SYNE3: variants seen among roughly 807,000 people sequenced by gnomAD.
The protein encoded by SYNE3 is nesprin-3.
In SYNE3, 100 loss-of-function variants were observed where a neutral mutation model predicts 111.2. That is an observed-to-expected ratio of 0.90 (90% CI 0.77 to 1.06). The LOEUF (loss-of-function observed/expected upper bound fraction) is 1.06, where lower values mean the gene tolerates loss of function less well. Among genes scored for constraint, SYNE3 ranks in the 50% least tolerant of loss-of-function variants. The pLI is 0.00. For missense variants in SYNE3, 1,160 were observed against 1,240.3 expected (o/e 0.94, Z 0.97); for synonymous variants, 547 against 533.9 (o/e 1.02, Z -0.34).
chr14:95,436,759 G>A (rs1886106409), intron 15 of SYNE3, 61 bp downstream of exon 15: 1 of 1,577,264 alleles, frequency 6.3e-7, no homozygotes, highest in African/African-American at 1.4e-5. Context: ...GAACTCCCTG[G>A]TGGCAAATGC....
chr14:95,506,375 A>G (rs1429225069), intron 1 of SYNE3, among the ~76,000 whole-genome samples: 1 of 152,238 alleles, frequency 6.6e-6, no homozygotes, highest in Non-Finnish European at 1.5e-5. Context: ...CAGGCAATGA[A>G]TGGTCAAGGT....
chr14:95,501,415 G>A (rs1890329889), intron 1 of SYNE3, among the ~76,000 whole-genome samples: 1 of 152,216 alleles, frequency 6.6e-6, no homozygotes, highest in African/African-American at 2.4e-5. Flanking sequence ...GGAATGAACG[G>A]ATCTTTGCTC....
At position 95,428,713 on chromosome 14, in the gene SYNE3, A is replaced by G. The variant is rs140927013; in HGVS notation, c.2727+3366T>C. Among the ~76,000 whole-genome samples the G allele has an allele frequency of 1.8e-4, 28 of 152,334 alleles. 1 individual carries two copies. In the East Asian group the frequency reaches 5.4e-3, roughly 29 times the overall value. On this transcript the variant is annotated intron_variant, in intron 17 of 17. Transcript: ENST00000682763. ...ACTCACAGCACAACTGCAACTCAAA[A>G]AGCAATGCCATTTCACGTGTCTCAA...
chr14:95,450,397 G>A (rs919192238), intron 7 of SYNE3: 1 of 386,198 alleles, frequency 2.6e-6, no homozygotes, highest in Non-Finnish European at 4.7e-6. Flanking sequence ...TTCATGGGCA[G>A]GATACGGTGG....
chr14:95,507,200 C>T (rs1890560230), intron 1 of SYNE3, among the ~76,000 whole-genome samples: 1 of 152,214 alleles, frequency 6.6e-6, no homozygotes, highest in Admixed American at 6.5e-5. Context: ...GTCACAGTCC[C>T]CTAGGATGGG....
At chr14:95,442,832 C>T (rs551139255) in intron 11 of SYNE3, among the ~76,000 whole-genome samples, 1 of 152,272 alleles carries the variant, frequency 6.6e-6, no homozygotes, top group South Asian at 2.1e-4. Context: ...GCCCTAATCT[C>T]AATATGTAAT....
At chr14:95,493,685 C>T (rs980429248) in intron 1 of SYNE3, among the ~76,000 whole-genome samples, 1 of 152,220 alleles carries the variant, frequency 6.6e-6, no homozygotes, top group African/African-American at 2.4e-5. Context: ...CCACCAGTGG[C>T]TGCATCGCTG....
At chr14:95,449,169 A>G (rs534888972) in intron 8 of SYNE3, among the ~76,000 whole-genome samples, 3 of 152,266 alleles carry the variant, frequency 2.0e-5, no homozygotes, top group Admixed American at 2.0e-4. Context: ...TCCCACAGCC[A>G]TACCTCCTTC....
At chr14:95,495,645 G>A (rs748447825) in intron 1 of SYNE3, among the ~76,000 whole-genome samples, 10 of 152,108 alleles carry the variant, frequency 6.6e-5, no homozygotes, top group Non-Finnish European at 1.3e-4. Flanking sequence ...CAGTGACTGA[G>A]GCACCAAGTC....
intron 1 of SYNE3, among the ~76,000 whole-genome samples, chr14:95,503,487 A>T (rs1201301943): frequency 6.6e-6 from 1 of 152,164 alleles, no homozygotes; most frequent in Admixed American, 6.5e-5. Context: ...CACAGCCAGT[A>T]TATGACAAGT....
At chr14:95,457,144 G>A in intron 5 of SYNE3, 33 bp downstream of exon 5, 1 of 1,600,762 alleles carries the variant, frequency 6.2e-7, no homozygotes, top group Non-Finnish European at 8.5e-7. Flanking sequence ...CTGTCCCTAG[G>A]GTCCCTCTGG....
chr14:95,439,642 G>T lies in SYNE3; in HGVS notation c.2216C>A (p.Ala739Asp). The T allele has an allele frequency of 6.2e-7, 1 of 1,612,646 alleles. No individual in the cohort carries two copies. The highest frequency in any genetic ancestry group is 8.5e-7 in the Non-Finnish European group (1 of 1,180,006). ...ELRELAESWR[A>D]LRLLEESLLS... ...CAGACTTTCTTCCAGCAGCCTCAAG[G>T]CCCGCCACGACTCTGCCAGCTCCCT... Residue 739 changes from alanine to aspartate, a missense_variant, in exon 13 of 18, where the codon GCC becomes GAC. Transcript: ENST00000682763.
intron 8 of SYNE3, chr14:95,449,482 A>G: frequency 7.1e-6 from 7 of 985,444 alleles, no homozygotes; most frequent in Non-Finnish European, 8.4e-6. Context: ...TGGGGCCATG[A>G]GGCGAGACCT....
At chr14:95,463,803 T>C (rs1050190701) in intron 4 of SYNE3, among the ~76,000 whole-genome samples, 1 of 152,230 alleles carries the variant, frequency 6.6e-6, no homozygotes, top group Non-Finnish European at 1.5e-5. Flanking sequence ...GGGGTGGAGT[T>C]CTCATTATTT....
chr14:95,421,501 G>T (rs1417775180), intron 17 of SYNE3, among the ~76,000 whole-genome samples: 4 of 152,206 alleles, frequency 2.6e-5, no homozygotes, highest in Admixed American at 2.6e-4. Context: ...GTGATCTAGG[G>T]CATGTCACTT....
In SYNE3 at chr14:95,446,106, G is replaced by C. The variant is rs756515642; in HGVS notation, c.1450-15C>G. On this transcript the variant is annotated splice_polypyrimidine_tract_variant and intron_variant, in intron 8 of 17. Coordinates refer to ENST00000682763, the MANE Select transcript of SYNE3 (RefSeq NM_152592.6). ...ATCAGGGCTGCCTGTGGGAGACAAG[G>C]CTTCCGTGAACCACAGACCGGGCAG... is the stretch of plus-strand genomic sequence containing the variant. The C allele has an allele frequency of 7.4e-6, 12 of 1,613,432 alleles. No individual in the cohort carries two copies. Among genetic ancestry groups the C allele is most frequent in the African/African-American group, 4.0e-5 (3 of 75,028 alleles).
chr14:95,473,913 T>G (rs1053157312), intron 2 of SYNE3, among the ~76,000 whole-genome samples: 7 of 148,262 alleles, frequency 4.7e-5, no homozygotes, highest in African/African-American at 1.5e-4. Flanking sequence ...TGGTGTGAGT[T>G]TGTGAGGTGT....
intron 1 of SYNE3, among the ~76,000 whole-genome samples, chr14:95,497,127 G>A (rs1353507544): frequency 2.0e-5 from 3 of 152,232 alleles, no homozygotes; most frequent in Admixed American, 6.5e-5. Context: ...GCTCACTCCT[G>A]GTGAGTCACT....
In SYNE3 at chr14:95,461,101, A is replaced by C. The variant is rs191018516; in HGVS notation, c.628-3763T>G. On this transcript the variant is annotated intron_variant, in intron 4 of 17. Coordinates refer to ENST00000682763, the MANE Select transcript of SYNE3 (RefSeq NM_152592.6). Reference sequence around the variant, plus strand: ...GGGGTGACAAACGGGAAGGTGCTCAACCTTCTCGTTAGACCCAGCAATTAC... The same window carrying C: ...GGGGTGACAAACGGGAAGGTGCTCACCCTTCTCGTTAGACCCAGCAATTAC... Among the ~76,000 whole-genome samples, 74 of 152,336 alleles carry C rather than the reference A, an allele frequency of 4.9e-4. 2 individuals are homozygous for C. In the East Asian group the frequency reaches 0.011, roughly 23 times the overall value.
Sources: allele counts gnomAD v4.1 joint callset (sites outside exome capture counted in the v4.1 genomes callset), GRCh38; gene constraint gnomAD v4.1.1; transcripts MANE v1.5; gene names NCBI Gene and HGNC (gene_info 2026-07-23, HGNC 2026-07-21).